The following CELF2 variants were observed in gnomAD, a reference collection of about 807,000 sequenced individuals.
CELF2 encodes CUGBP Elav-like family member 2, also known as CUG triplet repeat RNA-binding protein 2.
In CELF2, 8 loss-of-function variants were observed where a neutral mutation model predicts 62.6. That is an observed-to-expected ratio of 0.13 (90% confidence interval 0.07 to 0.23). CELF2 has a LOEUF of 0.23. CELF2 is among the 10% of genes least tolerant of loss of function. The pLI is 1.00. For synonymous variants in CELF2, 258 were observed against 250.0 expected, an observed-to-expected ratio of 1.03 and a Z score of -0.30; for missense variants, 333 against 671.0, an observed-to-expected ratio of 0.50 and a Z score of 5.56.
chr10:10,571,646 G>T, the CELF2 span, among the ~76,000 whole-genome samples: 2 of 152,112 alleles, frequency 1.3e-5, no homozygotes, highest in Admixed American at 1.3e-4. Flanking sequence ...GACTGGGAGG[G>T]TACATGGGGC....
rs552423008 is a variant in CELF2 at position 11,078,385 on chromosome 10, G to A, written c.74+60222G>A. ...ACCAAGGGAAGGGAATGAATTCACT[G>A]CTTTTCCAGAGCTGAACGAGTTCTA... On this transcript the variant is annotated intron_variant, in intron 1 of 12. Coordinates refer to ENST00000633077, the MANE Select transcript of CELF2 (RefSeq NM_001326342.2). 3.3e-5 allele frequency among the ~76,000 whole-genome samples: 5 copies of A among 152,292 alleles called. No homozygotes were observed. The South Asian group carries it at 1.0e-3, about 32-fold the overall frequency.
chr10:11,326,475 T>G (rs2095739061), intron 12 of CELF2, among the ~76,000 whole-genome samples: 1 of 152,206 alleles, frequency 6.6e-6, no homozygotes, highest in Admixed American at 6.5e-5. Context: ...TGATGAGATC[T>G]GAAGGGCCAC....
the CELF2 span, among the ~76,000 whole-genome samples, chr10:10,736,396 C>CTT: frequency 2.6e-4 from 20 of 75,990 alleles, no homozygotes; most frequent in African/African-American, 8.9e-4. Flanking sequence ...TTCTTTCTTT[C>CTT]TTTTTTTTTT....
intron 1 of CELF2, among the ~76,000 whole-genome samples, chr10:10,885,421 A>T (rs2061689997): frequency 6.6e-6 from 1 of 151,718 alleles, no homozygotes. Flanking sequence ...TAAATCTAGA[A>T]TCTAGGCTCC....
chr10:10,534,912 T>C, the CELF2 span, among the ~76,000 whole-genome samples: 51 of 152,320 alleles, frequency 3.3e-4, no homozygotes, highest in Middle Eastern at 3.4e-3. Flanking sequence ...AACAGGATAA[T>C]GTTAAATCTG....
rs2093305116 is a variant in CELF2, at chr10:11,297,376, C to G, written c.976+8824C>G. ...CCCTAAGCCCGGGGAGGGGTGAGGT[C>G]ATCAGGCCAAAATCACCAGCAAGGC... On this transcript the variant is annotated intron_variant, in intron 9 of 12. Coordinates refer to ENST00000633077, the MANE Select transcript of CELF2 (RefSeq NM_001326342.2). The surrounding 1 kb of genome is among the most constrained non-coding windows in gnomAD (Gnocchi z 4.4). Among the ~76,000 whole-genome samples, 1 of 152,102 alleles carries G rather than the reference C, an allele frequency of 6.6e-6. No homozygotes were observed. Among genetic ancestry groups the G allele is most frequent in the Non-Finnish European group, 1.5e-5 (1 of 68,020 alleles).
At chr10:10,674,036 T>C in the CELF2 span, among the ~76,000 whole-genome samples, 4 of 152,230 alleles carry the variant, frequency 2.6e-5, no homozygotes, top group Non-Finnish European at 5.9e-5. Flanking sequence ...GTCCATTATA[T>C]CCAGTTGATT....
At chr10:10,523,297 C>A in the CELF2 span, among the ~76,000 whole-genome samples, 3 of 152,176 alleles carry the variant, frequency 2.0e-5, no homozygotes, top group Admixed American at 2.0e-4. Context: ...CTTGACTATA[C>A]CTATATCTTT....
intron 1 of CELF2, among the ~76,000 whole-genome samples, chr10:11,091,883 G>C (rs185598563): frequency 6.6e-6 from 1 of 152,320 alleles, no homozygotes; most frequent in African/African-American, 2.4e-5. Flanking sequence ...GAGGAAACCA[G>C]TAAGACGGTA....
chr10:10,473,705 C>T, the CELF2 span, among the ~76,000 whole-genome samples: 2 of 151,922 alleles, frequency 1.3e-5, no homozygotes, highest in African/African-American at 4.8e-5. Flanking sequence ...ATTTACTATG[C>T]AGATCAAAGG....
At position 10,944,805 on chromosome 10, in the gene CELF2, A is replaced by G. The variant is rs566465534; in HGVS notation, c.89+24806A>G. 3.0e-3 allele frequency among the ~76,000 whole-genome samples: 451 copies of G among 152,080 alleles called. 1 individual carries two copies. Among genetic ancestry groups the G allele is most frequent in the African/African-American group, 0.01 (432 of 41,470 alleles). ...TTTATTAGAAATGGGGTTTCGCCAC[A>G]TTGGCCAGGCTGGTCCCGAACAACT... On this transcript the variant is annotated intron_variant, in intron 2 of 13. Coordinates refer to the CELF2 transcript ENST00000636488.
At chr10:11,288,680 CT>C in intron 9 of CELF2, 128 bp downstream of exon 9, 1 of 984,526 alleles carries the variant, frequency 1.0e-6, no homozygotes, top group Non-Finnish European at 1.4e-6. Flanking sequence ...TACTGGGCTG[CT>C]TTATGTCATT....
intron 1 of CELF2, among the ~76,000 whole-genome samples, chr10:11,019,799 A>G (rs766358327): frequency 1.3e-5 from 2 of 152,156 alleles, no homozygotes; most frequent in African/African-American, 2.4e-5. Context: ...CCTGTCCCCC[A>G]TCTTAAAATA....
intron 1 of CELF2, among the ~76,000 whole-genome samples, chr10:11,006,921 A>T (rs1206650516): frequency 6.6e-6 from 1 of 152,232 alleles, no homozygotes; most frequent in Non-Finnish European, 1.5e-5. Flanking sequence ...GAAGCTTTCG[A>T]CAGAGAAAAT....
chr10:11,259,864 G>A (rs1436026872), intron 5 of CELF2, among the ~76,000 whole-genome samples: 2 of 152,218 alleles, frequency 1.3e-5, no homozygotes, highest in African/African-American at 4.8e-5. Context: ...GTAGAAAGAT[G>A]TGATCATATT....
chr10:10,833,112 A>G (rs2058012209), intron 1 of CELF2, among the ~76,000 whole-genome samples: 1 of 151,790 alleles, frequency 6.6e-6, no homozygotes, highest in Non-Finnish European at 1.5e-5. Flanking sequence ...GTCATTTCTT[A>G]CCTTTCATAC....
chr10:11,061,776 C>G (rs1375468480), intron 1 of CELF2, among the ~76,000 whole-genome samples: 1 of 152,218 alleles, frequency 6.6e-6, no homozygotes, highest in Admixed American at 6.5e-5. Flanking sequence ...GCCTGGATGA[C>G]AGCACATCTG....
the CELF2 span, among the ~76,000 whole-genome samples, chr10:10,749,635 A>G: frequency 6.6e-6 from 1 of 152,244 alleles, no homozygotes; most frequent in Non-Finnish European, 1.5e-5. Context: ...ATAAGATACT[A>G]TTTTAAATGT....
the CELF2 span, among the ~76,000 whole-genome samples, chr10:10,479,150 G>A: frequency 6.6e-6 from 1 of 152,050 alleles, no homozygotes; most frequent in East Asian, 1.9e-4. Flanking sequence ...CTTTATTAGA[G>A]ATGGTTCATC....
Sources: gnomAD v4.1 joint callset for allele counts (sites outside exome capture counted in the v4.1 genomes callset) on GRCh38, gnomAD v4.1.1 for gene constraint, Gnocchi (gnomAD v3.1) non-coding constraint, MANE v1.5 for transcripts, NCBI Gene and HGNC (gene_info 2026-07-23, HGNC 2026-07-21) for gene names.